The following MED12L variants were observed in gnomAD, a reference collection of about 807,000 sequenced individuals.
MED12L encodes the protein mediator complex subunit 12L, also known as mediator of RNA polymerase II transcription subunit 12-like protein.
A neutral mutation model predicts 281.3 loss-of-function variants in MED12L; 60 were observed. The ratio of observed to expected loss-of-function variants is 0.21; its 90% CI spans 0.17 to 0.26. The LOEUF (loss-of-function observed/expected upper bound fraction) is 0.26. Among genes scored for constraint, MED12L ranks in the 10% least tolerant of loss-of-function variants. MED12L has a pLI of 1.00. For missense variants in MED12L, 2,146 were observed against 2,680.9 expected, an observed-to-expected ratio of 0.80 and a Z score of 4.41; for synonymous variants, 974 against 987.2, an observed-to-expected ratio of 0.99 and a Z score of 0.25.
At chr3:151,274,098 G>A (rs1363920685) in intron 16 of MED12L, among the ~76,000 whole-genome samples, 1 of 152,248 alleles carries the variant, frequency 6.6e-6, no homozygotes, top group Non-Finnish European at 1.5e-5. Context: ...AAGAAAATTG[G>A]TGCAGATATC....
chr3:151,403,458 T>TA (rs1715934669), intron 39 of MED12L, among the ~76,000 whole-genome samples: 1 of 152,204 alleles, frequency 6.6e-6, no homozygotes, highest in South Asian at 2.1e-4. Context: ...TTATGAAACT[T>TA]ACCCTCTCAT....
At chr3:151,234,356 A>AAATTGTCTGTCT (rs1336096190) in intron 16 of MED12L, among the ~76,000 whole-genome samples, 1 of 152,254 alleles carries the variant, frequency 6.6e-6, no homozygotes, top group African/African-American at 2.4e-5. Flanking sequence ...GAGCTTGAAT[A>AAATTGTCTGTCT]AATTGTCTGT....
chr3:151,393,742 C>T (rs372888564), intron 38 of MED12L, among the ~76,000 whole-genome samples: 58 of 152,234 alleles, frequency 3.8e-4, no homozygotes, highest in African/African-American at 1.4e-3. Flanking sequence ...TTTTTAGTTT[C>T]CTTTCACAAC....
chr3:151,179,696 C>T (rs908006262), intron 11 of MED12L, among the ~76,000 whole-genome samples: 3 of 152,190 alleles, frequency 2.0e-5, no homozygotes, highest in African/African-American at 7.2e-5. Context: ...GGTCATGCAC[C>T]ATTGACCTTC....
chr3:151,104,166 G>T (rs1721726847), intron 2 of MED12L, among the ~76,000 whole-genome samples: 1 of 152,182 alleles, frequency 6.6e-6, no homozygotes, highest in East Asian at 1.9e-4. Context: ...AGCAGTATAG[G>T]TGACGGTGGA....
In MED12L at chr3:151,368,163, G is replaced by C. The variant is rs35291743; in HGVS notation, c.3462G>C (p.Ala1154=). Residue 1154 remains alanine (A), a synonymous_variant, in exon 25 of 45, where the codon GCG becomes GCC. Transcript: ENST00000687756. ...PSLLAAACGD[A]DAEPGARMTC... is the part of the protein sequence containing the mutation. ...CCCCTTTCCTAGCTTGTGGGGATGC[G>C]GACGCCGAGCCTGGGGCGAGAATGA... is the stretch of plus-strand genomic sequence containing the variant. 0.01 allele frequency: 16,682 copies of C among 1,613,858 alleles called. 131 individuals are homozygous for C. The highest frequency in any genetic ancestry group is 0.023 in the South Asian group (2,106 of 91,078).
chr3:151,279,879 A>C lies in MED12L; in HGVS notation c.2251-70180A>C, dbSNP rs544097705. Among the ~76,000 whole-genome samples the C allele has an allele frequency of 7.2e-5, 11 of 152,350 alleles. No homozygotes were observed. The South Asian group carries it at 2.3e-3, about 32-fold the overall frequency. On this transcript the variant is annotated intron_variant, in intron 16 of 44. Coordinates refer to ENST00000687756, the MANE Select transcript of MED12L (RefSeq NM_001393769.1). ...AGATGCTGTTTACTCTGACAGTCTC[A>C]AAAACACCCATTAATTGTTCCGGGT...
chr3:151,101,539 T>C (rs1721393045), intron 2 of MED12L, among the ~76,000 whole-genome samples: 1 of 152,092 alleles, frequency 6.6e-6, no homozygotes, highest in African/African-American at 2.4e-5. Flanking sequence ...GAGGGCTGGA[T>C]ACATGGAGGA....
intron 16 of MED12L, among the ~76,000 whole-genome samples, chr3:151,256,319 G>A (rs745551029): frequency 5.9e-5 from 9 of 152,060 alleles, no homozygotes; most frequent in Non-Finnish European, 1.3e-4. Context: ...AGTGCTTCTC[G>A]GAGCTTTACA....
intron 2 of MED12L, among the ~76,000 whole-genome samples, chr3:151,092,289 AGTTAATATGTTTTGTAG>A: frequency 6.6e-6 from 1 of 152,242 alleles, no homozygotes; most frequent in South Asian, 2.1e-4. Flanking sequence ...CATTTCCCTG[AGTTAATATGTTTTGTAG>A]CGCTTGTCAC....
intron 2 of MED12L, among the ~76,000 whole-genome samples, chr3:151,097,822 C>T (rs145714635): frequency 4.6e-5 from 7 of 152,224 alleles, no homozygotes; most frequent in Non-Finnish European, 7.4e-5. Context: ...TCAGTAGTTC[C>T]GGGGTTGAGA....
intron 16 of MED12L, among the ~76,000 whole-genome samples, chr3:151,258,077 C>T (rs1033150884): frequency 7.9e-5 from 12 of 152,260 alleles, no homozygotes; most frequent in African/African-American, 2.6e-4. Flanking sequence ...GTATCTATAC[C>T]ATTCCAATCT....
At chr3:151,201,088 A>G (rs1367779065) in intron 16 of MED12L, 1 of 152,244 alleles carries the variant, frequency 6.6e-6, no homozygotes, top group African/African-American at 2.4e-5. Context: ...CTGTGTGGGC[A>G]GGAACTATGT....
chr3:151,171,584 G>A (rs866727138), intron 11 of MED12L, among the ~76,000 whole-genome samples: 2 of 152,170 alleles, frequency 1.3e-5, no homozygotes, highest in African/African-American at 2.4e-5. Context: ...CACCCCAGAC[G>A]GGGAAACTTA....
At position 151,252,884 on chromosome 3, in the gene MED12L, T is replaced by G. The variant is rs2870520; in HGVS notation, c.2250+59218T>G. 1.1e-3 allele frequency among the ~76,000 whole-genome samples: 171 copies of G among 152,084 alleles called. 2 individuals are homozygous for G. Among genetic ancestry groups the G allele is most frequent in the African/African-American group, 3.8e-3 (159 of 41,478 alleles). Reference sequence around the variant, plus strand: ...TTGTGTGGATCAAACCTAGTCCAATTTTATTGATTTAAAGCAATGACTGTA... The same window carrying G: ...TTGTGTGGATCAAACCTAGTCCAATGTTATTGATTTAAAGCAATGACTGTA... On this transcript the variant is annotated intron_variant, in intron 16 of 44. Coordinates refer to ENST00000687756, the MANE Select transcript of MED12L (RefSeq NM_001393769.1).
chr3:151,391,482 T>C (rs1270585235), intron 38 of MED12L, among the ~76,000 whole-genome samples: 1 of 152,198 alleles, frequency 6.6e-6, no homozygotes, highest in East Asian at 1.9e-4. Flanking sequence ...TTTCTGTTTC[T>C]CTGTTGCAAG....
chr3:151,284,511 A>C (rs1335842507), intron 16 of MED12L, among the ~76,000 whole-genome samples: 2 of 152,214 alleles, frequency 1.3e-5, no homozygotes, highest in African/African-American at 4.8e-5. Flanking sequence ...TAATAATTTG[A>C]GCACAACAGT....
chr3:151,238,569 C>T (rs944121430), intron 16 of MED12L, among the ~76,000 whole-genome samples: 13 of 152,292 alleles, frequency 8.5e-5, no homozygotes, highest in Admixed American at 2.6e-4. Flanking sequence ...TTTCATCGTG[C>T]TGAAATTTGC....
chr3:151,377,319 G>GTTA (rs1260163430), intron 30 of MED12L, 141 bp downstream of exon 30: 6 of 679,398 alleles, frequency 8.8e-6, no homozygotes, highest in Non-Finnish European at 1.2e-5. Flanking sequence ...TTATTAATAA[G>GTTA]TTAATGAGTA....
Sources: allele counts gnomAD v4.1 joint callset (sites outside exome capture counted in the v4.1 genomes callset), GRCh38; gene constraint gnomAD v4.1.1; transcripts MANE v1.5; gene names NCBI Gene and HGNC (gene_info 2026-07-23, HGNC 2026-07-21).